WNT4: variants seen among roughly 807,000 people sequenced by gnomAD.
WNT4 encodes protein Wnt-4.
Under a neutral mutation model 34.5 loss-of-function variants are expected in WNT4, and 16 were observed. That is an observed-to-expected ratio of 0.46 (90% CI 0.31 to 0.70). WNT4 has a LOEUF of 0.70. Ranked by LOEUF, WNT4 falls within the 30% of genes least tolerant of loss-of-function variation. The pLI is 0.04. For missense variants in WNT4, 379 were observed against 495.9 expected (o/e 0.76, Z 2.24); for synonymous variants, 200 against 211.9 (o/e 0.94, Z 0.49).
Position 22,120,153 on chromosome 1 carries a change from G to A in WNT4, c.953C>T (p.Ala318Val), listed in dbSNP as rs750875648. ...LLCCGRGFHT[A>V]QVELAERCSC... ...GCAGCGTTCAGCCAGCTCCACCTGCGCCGTGTGGAAGCCGCGGCCACAGCA... is the reference window on the plus strand; with the variant it reads ...GCAGCGTTCAGCCAGCTCCACCTGCACCGTGTGGAAGCCGCGGCCACAGCA... Residue 318 changes from alanine to valine, a missense_variant, in exon 5 of 5, where the codon GCG becomes GTG. Ala to Val is a moderately conservative substitution (Grantham distance 64). Transcript: ENST00000290167. The A allele has an allele frequency of 1.4e-5, 23 of 1,613,386 alleles. No individual in the cohort carries two copies. Among genetic ancestry groups the A allele is most frequent in the African/African-American group, 1.1e-4 (8 of 74,946 alleles).
chr1:22,131,872 G>A (rs1379315462), intron 1 of WNT4, among the ~76,000 whole-genome samples: 3 of 152,228 alleles, frequency 2.0e-5, no homozygotes, highest in Non-Finnish European at 4.4e-5. Context: ...GCACAGACTG[G>A]TGGTGTCCTG....
intron 1 of WNT4, 61 bp from the exon 2 acceptor site, chr1:22,129,912 A>G: frequency 6.3e-7 from 1 of 1,587,244 alleles, no homozygotes; most frequent in Non-Finnish European, 8.6e-7. Flanking sequence ...GCCCCGGACC[A>G]GGCCTGAGCT....
At position 22,118,583 on chromosome 1, in the gene WNT4, G is replaced by A. The variant is rs745729652; in HGVS notation, c.*1467C>T. On this transcript the variant is annotated 3_prime_UTR_variant, in exon 5 of 5. Coordinates refer to ENST00000290167, the MANE Select transcript of WNT4 (RefSeq NM_030761.5). ...CCAGGGACTCGGATGTGCTGGGGAG[G>A]GGTGCACCACACTGCTGAGACCTCA... 2 of 152,374 alleles carry A rather than the reference G, an allele frequency of 1.3e-5. No individual in the cohort carries two copies. The highest frequency in any genetic ancestry group is 2.9e-5 in the Non-Finnish European group (2 of 68,198). The allele number at this position is 152,374 out of a possible 1,614,324, so 9.4% of individuals were successfully genotyped here.
At position 22,140,102 on chromosome 1, in the gene WNT4, G is replaced by T; in HGVS notation, c.77+2744C>A. 1 of 872,680 alleles carries T rather than the reference G, an allele frequency of 1.1e-6. No homozygotes were observed. Among genetic ancestry groups the T allele is most frequent in the Non-Finnish European group, 1.4e-6 (1 of 727,010 alleles). The allele number at this position is 872,680 out of a possible 1,614,324, so 54.1% of individuals were successfully genotyped here. On this transcript the variant is annotated intron_variant, in intron 1 of 4. Transcript: ENST00000290167. This position sits in a 1 kb window ranked among gnomAD's most constrained non-coding sequence, Gnocchi z 5.9. ...CGCCACTGGCCAGCAGACCCACCCT[G>T]GACTCCAGGGTATTGGGAGGCGAGC...
At chr1:22,122,077 C>T (rs558820164) in intron 2 of WNT4, among the ~76,000 whole-genome samples, 1 of 152,306 alleles carries the variant, frequency 6.6e-6, no homozygotes, top group South Asian at 2.1e-4. Context: ...GGCCTGTTCC[C>T]CAGCTGGCCC....
At chr1:22,128,687 G>A (rs1645958619) in intron 2 of WNT4, among the ~76,000 whole-genome samples, 1 of 152,062 alleles carries the variant, frequency 6.6e-6, no homozygotes, top group South Asian at 2.1e-4. Context: ...GACGGCCTGG[G>A]GTTGAGTCCC....
Position 22,120,239 on chromosome 1 carries a change from C to T in WNT4, c.867G>A (p.Leu289=), listed in dbSNP as rs1645884359. 6.2e-7 allele frequency: 1 copy of T among 1,614,030 alleles called. No homozygotes were observed. Among genetic ancestry groups the T allele is most frequent in the Non-Finnish European group, 8.5e-7 (1 of 1,180,026 alleles). The part of the protein sequence containing the change: ...FCEQDMRSGV[L]GTRGRTCNKT... ...TGTTGCATGTGCGGCCCCTCGTGCC[C>T]AGCACGCCGCTGCGCATGTCCTGCT... is the stretch of plus-strand genomic sequence containing the variant. Residue 289 remains leucine, a synonymous_variant, in exon 5 of 5, where the codon CTG becomes CTA. Coordinates refer to ENST00000290167, the MANE Select transcript of WNT4 (RefSeq NM_030761.5).
At chr1:22,127,210 G>A (rs1481942232) in intron 2 of WNT4, 3 of 458,610 alleles carry the variant, frequency 6.5e-6, no homozygotes, top group African/African-American at 2.0e-5. Context: ...TTGGACGTTC[G>A]ACTCCACCAG....
At chr1:22,130,210 G>A (rs759480159) in intron 1 of WNT4, among the ~76,000 whole-genome samples, 2 of 152,180 alleles carry the variant, frequency 1.3e-5, no homozygotes, top group Non-Finnish European at 2.9e-5. Context: ...ACTGTTCCCT[G>A]CCGAGATGCC....
rs1235171449 is a variant in WNT4, at chr1:22,118,622, A to C, written c.*1428T>G. On this transcript the variant is annotated 3_prime_UTR_variant, in exon 5 of 5. Transcript: ENST00000290167. ...GCTGAGACCTCACTGTCAGCCTTCC[A>C]GCTGTTCACATCTTTCCTCAGAGCC... The C allele has an allele frequency of 6.6e-6, 1 of 152,348 alleles. No individual in the cohort carries two copies. Among genetic ancestry groups the C allele is most frequent in the Non-Finnish European group, 1.5e-5 (1 of 68,160 alleles). 9.4% of individuals were successfully genotyped at this position (152,348 alleles called of 1,614,324 possible). A position where few individuals can be genotyped will look rare whatever the true frequency, so the allele number is the denominator to read the frequency against.
rs1293236591 is a variant in WNT4, at chr1:22,119,475, G to GT, written c.*574dup. 6.0e-6 allele frequency: 1 copy of GT among 165,394 alleles called. No homozygotes were observed. Among genetic ancestry groups the GT allele is most frequent in the Non-Finnish European group, 1.3e-5 (1 of 75,298 alleles). The allele number at this position is 165,394 out of a possible 1,614,324, so 10.2% of individuals were successfully genotyped here. ...ACCCACAGATATCGAACCTCTAGCT[G>GT]TCCATGTAAGGGCTGAAATGAACCT... On this transcript the variant is annotated 3_prime_UTR_variant, in exon 5 of 5. Transcript: ENST00000290167.
chr1:22,138,943 A>G (rs1457379537), intron 1 of WNT4, among the ~76,000 whole-genome samples: 3 of 152,190 alleles, frequency 2.0e-5, no homozygotes, highest in Non-Finnish European at 4.4e-5. Flanking sequence ...CTCAAAGCCA[A>G]TGGAAAGCAT....
chr1:22,117,857 G>C lies in WNT4; in HGVS notation c.*2193C>G, dbSNP rs1484610542. 2 of 152,320 alleles carry C rather than the reference G, an allele frequency of 1.3e-5. No homozygotes were observed. The highest frequency in any genetic ancestry group is 4.8e-5 in the African/African-American group (2 of 41,440). The allele number at this position is 152,320 out of a possible 1,614,324, so 9.4% of individuals were successfully genotyped here. A position where few individuals can be genotyped will look rare whatever the true frequency, so the allele number is the denominator to read the frequency against. On this transcript the variant is annotated 3_prime_UTR_variant, in exon 5 of 5. Coordinates refer to ENST00000290167, the MANE Select transcript of WNT4 (RefSeq NM_030761.5). ...AGTGGCTCAGCTCTTTCCTCTGGGA[G>C]GGGAGGGGTCCTCATTGTTCCCTCT...
chr1:22,132,103 CT>C (rs1336922253), intron 1 of WNT4, among the ~76,000 whole-genome samples: 1 of 152,232 alleles, frequency 6.6e-6, no homozygotes, highest in Non-Finnish European at 1.5e-5. Context: ...CGGCTACTGG[CT>C]GTGGGCCAGG....
intron 2 of WNT4, chr1:22,127,267 TCA>T: frequency 1.9e-6 from 1 of 517,268 alleles, no homozygotes; most frequent in Non-Finnish European, 4.0e-6. Flanking sequence ...AGTAGGAATC[TCA>T]GTGTCCCTCA....
intron 4 of WNT4, 52 bp from the exon 5 acceptor site, chr1:22,120,569 A>AG: frequency 6.4e-7 from 1 of 1,551,356 alleles, no homozygotes; most frequent in Non-Finnish European, 8.7e-7. Flanking sequence ...AAGGGAAGGC[A>AG]GGGGAGGGCC....
At chr1:22,122,097 C>T (rs1242189551) in intron 2 of WNT4, among the ~76,000 whole-genome samples, 1 of 152,206 alleles carries the variant, frequency 6.6e-6, no homozygotes, top group African/African-American at 2.4e-5. Context: ...CCACTGGGCT[C>T]TGAGGAGTTG....
At chr1:22,125,941 G>A (rs1645937334) in intron 2 of WNT4, among the ~76,000 whole-genome samples, 1 of 152,168 alleles carries the variant, frequency 6.6e-6, no homozygotes, top group Non-Finnish European at 1.5e-5. Flanking sequence ...TACCTATTAT[G>A]TGCAGGTCCT....
chr1:22,135,684 C>T (rs1250553386), intron 1 of WNT4, among the ~76,000 whole-genome samples: 1 of 152,240 alleles, frequency 6.6e-6, no homozygotes, highest in Admixed American at 6.5e-5. Flanking sequence ...GGTCCAAAAC[C>T]CCTGGAGGGG....
Sources: allele counts gnomAD v4.1 joint callset (sites outside exome capture counted in the v4.1 genomes callset), GRCh38; gene constraint gnomAD v4.1.1; non-coding constraint Gnocchi (gnomAD v3.1); transcripts MANE v1.5; gene names NCBI Gene and HGNC (gene_info 2026-07-23, HGNC 2026-07-21).